The following EFR3B variants were observed in gnomAD, a reference collection of about 807,000 sequenced individuals.
EFR3B encodes the protein EFR3 homolog B, also known as protein EFR3 homolog B.
A neutral mutation model predicts 104.7 loss-of-function variants in EFR3B; 64 were observed. That is an observed-to-expected ratio of 0.61 (90% CI 0.50 to 0.75). The LOEUF is 0.75. EFR3B is among the 30% of genes least tolerant of loss of function. The pLI is 0.00. For missense variants in EFR3B, 750 were observed against 1,078.5 expected (o/e 0.70, Z 4.27); for synonymous variants, 385 against 417.9 (o/e 0.92, Z 0.96).
At chr2:25,126,359 CT>C (rs1022314478) in intron 5 of EFR3B, among the ~76,000 whole-genome samples, 17 of 151,454 alleles carry the variant, frequency 1.1e-4, no homozygotes, top group African/African-American at 3.9e-4. Context: ...TGGCTAATTT[CT>C]TTCTTTTTTT....
intron 20 of EFR3B, among the ~76,000 whole-genome samples, chr2:25,150,343 T>C (rs1333395201): frequency 2.0e-5 from 3 of 148,212 alleles, no homozygotes; most frequent in African/African-American, 7.5e-5. Flanking sequence ...TGGCTATAGG[T>C]AGAAAGCAAT....
At chr2:25,084,797 AG>A (rs1271133556) in intron 1 of EFR3B, among the ~76,000 whole-genome samples, 1 of 152,232 alleles carries the variant, frequency 6.6e-6, no homozygotes, top group Non-Finnish European at 1.5e-5. Context: ...TAAAAGAGAA[AG>A]GGTTGCATTT....
At chr2:25,149,856 C>A in intron 20 of EFR3B, 114 bp downstream of exon 20, 1 of 949,098 alleles carries the variant, frequency 1.1e-6, no homozygotes, top group Non-Finnish European at 1.7e-6. Flanking sequence ...CCAGCACCTG[C>A]GTGAAGGGAG....
intron 1 of EFR3B, among the ~76,000 whole-genome samples, chr2:25,049,444 A>G (rs1189404448): frequency 1.3e-5 from 2 of 152,242 alleles, no homozygotes; most frequent in Admixed American, 1.3e-4. Context: ...ATAGAAGAAT[A>G]TATAAAAGTA....
chr2:25,153,613 C>A, intron 21 of EFR3B, 99 bp from the exon 22 acceptor site: 1 of 1,223,734 alleles, frequency 8.2e-7, no homozygotes, highest in Non-Finnish European at 1.2e-6. Flanking sequence ...GCTGTGGCTG[C>A]CCTGTACCTC....
At position 25,132,913 on chromosome 2, in the gene EFR3B, C is replaced by G. The variant is rs968681428; in HGVS notation, c.1158C>G (p.Ala386=). 6.4e-7 allele frequency: 1 copy of G among 1,550,808 alleles called. No individual in the cohort carries two copies. The highest frequency in any genetic ancestry group is 1.4e-5 in the African/African-American group (1 of 73,010). Residue 386 remains alanine (A), a synonymous_variant, in exon 11 of 23, where the codon GCC becomes GCG. Transcript: ENST00000403714. ...CGCCACCTCCTGCAGGCTCCTTTGCCAGCACGCTGCCCACCTACCAGCGCT... is the reference window on the plus strand; with the variant it reads ...CGCCACCTCCTGCAGGCTCCTTTGCGAGCACGCTGCCCACCTACCAGCGCT... ...EAVIKTVGSF[A]STLPTYQRSE... is the part of the protein sequence containing the mutation.
intron 17 of EFR3B, 56 bp from the exon 18 acceptor site, chr2:25,143,679 G>T: frequency 6.5e-7 from 1 of 1,543,724 alleles, no homozygotes. Context: ...AAATTGTTCA[G>T]AAGTCATTCT....
chr2:25,052,749 C>T (rs36098328), intron 1 of EFR3B, among the ~76,000 whole-genome samples: 14,255 of 151,636 alleles, frequency 0.094, 881 homozygotes, highest in East Asian at 0.24. Flanking sequence ...GTGATCTGCC[C>T]GCCTTGGCCT....
intron 4 of EFR3B, among the ~76,000 whole-genome samples, chr2:25,108,753 CT>C (rs1479417713): frequency 6.6e-6 from 1 of 152,176 alleles, no homozygotes; most frequent in Admixed American, 6.5e-5. Flanking sequence ...AATCCCAGCA[CT>C]TTGGGAGGCC....
At chr2:25,132,307 C>T (rs150748746) in intron 10 of EFR3B, among the ~76,000 whole-genome samples, 8 of 152,246 alleles carry the variant, frequency 5.3e-5, no homozygotes, top group Middle Eastern at 3.4e-3. Flanking sequence ...CACCATCAGA[C>T]CTGCCTGATG....
chr2:25,153,811 G>A, intron 22 of EFR3B, 50 bp downstream of exon 22: 1 of 1,537,384 alleles, frequency 6.5e-7, no homozygotes, highest in Non-Finnish European at 8.8e-7. Flanking sequence ...GCCCAGTATT[G>A]GGGTTCCTCA....
intron 5 of EFR3B, among the ~76,000 whole-genome samples, chr2:25,123,968 G>A (rs987282551): frequency 3.9e-5 from 6 of 152,232 alleles, no homozygotes; most frequent in Admixed American, 6.5e-5. Flanking sequence ...ACAGGCTGGC[G>A]CTGGTCACCC....
Position 25,154,428 on chromosome 2 carries a change from G to A in EFR3B, c.*88G>A, listed in dbSNP as rs554572301. The stretch of plus-strand genomic sequence containing the variant: ...CCCGACCACATGGAGATCTGGCTGT[G>A]ATCTCTGAGAAAACATCACCTTAGA... On this transcript the variant is annotated 3_prime_UTR_variant, in exon 23 of 23. Coordinates refer to ENST00000403714, the MANE Select transcript of EFR3B (RefSeq NM_014971.2). The surrounding 1 kb of genome is among the most constrained non-coding windows in gnomAD (Gnocchi z 4.1). 8.4e-4 allele frequency: 1,022 copies of A among 1,221,660 alleles called. 5 individuals are homozygous for A. The highest frequency in any genetic ancestry group is 2.4e-4 in the Admixed American group (11 of 46,354). The allele number at this position is 1,221,660 out of a possible 1,614,324, so 75.7% of individuals were successfully genotyped here.
At chr2:25,153,683 C>T in intron 21 of EFR3B, 29 bp from the exon 22 acceptor site, 1 of 1,551,084 alleles carries the variant, frequency 6.4e-7, no homozygotes, top group Non-Finnish European at 8.7e-7. Context: ...CCCACCCCTG[C>T]CAGCTCACTT....
At chr2:25,056,161 G>A (rs193178526) in intron 1 of EFR3B, among the ~76,000 whole-genome samples, 5 of 152,288 alleles carry the variant, frequency 3.3e-5, no homozygotes, top group South Asian at 4.1e-4. Flanking sequence ...TCATCTCAGC[G>A]TGTCTTTTCA....
chr2:25,124,001 AG>A (rs1670092750), intron 5 of EFR3B, among the ~76,000 whole-genome samples: 1 of 152,190 alleles, frequency 6.6e-6, no homozygotes, highest in East Asian at 1.9e-4. Context: ...CCTGTGGGTG[AG>A]AGAGGGTGGA....
intron 4 of EFR3B, among the ~76,000 whole-genome samples, chr2:25,121,122 G>A (rs1413375826): frequency 6.6e-6 from 1 of 152,046 alleles, no homozygotes; most frequent in Non-Finnish European, 1.5e-5. Context: ...GGCTGGTCTC[G>A]AACTCCTGAC....
chr2:25,079,800 A>G (rs1211469283), intron 1 of EFR3B: 3 of 687,394 alleles, frequency 4.4e-6, no homozygotes, highest in Non-Finnish European at 8.1e-6. Flanking sequence ...CTACATGGCA[A>G]TTACAACCTC....
At chr2:25,102,665 C>T (rs1029477360) in intron 3 of EFR3B, among the ~76,000 whole-genome samples, 1 of 152,124 alleles carries the variant, frequency 6.6e-6, no homozygotes. Flanking sequence ...AGGTGAGATT[C>T]GGGTGGGGAC....
Sources: gnomAD v4.1 joint callset for allele counts (sites outside exome capture counted in the v4.1 genomes callset) on GRCh38, gnomAD v4.1.1 for gene constraint, Gnocchi (gnomAD v3.1) non-coding constraint, MANE v1.5 for transcripts, NCBI Gene and HGNC (gene_info 2026-07-23, HGNC 2026-07-21) for gene names.